The following ADGRL2 variants were observed in gnomAD, a reference collection of about 807,000 sequenced individuals.
ADGRL2 encodes calcium-independent alpha-latrotoxin receptor 2.
ADGRL2 carries 44 observed loss-of-function variants against 157.4 expected under a neutral mutation model. The observed-to-expected ratio is 0.28, with a 90% CI of 0.22 to 0.36. ADGRL2 has a LOEUF of 0.36. Ranked by LOEUF, ADGRL2 falls within the 10% of genes least tolerant of loss-of-function variation. The probability of loss-of-function intolerance (pLI) is 1.00; values close to 1 mark genes in which losing one functional copy is unlikely to be tolerated. For missense variants in ADGRL2, 1,510 were observed against 1,768.9 expected, an observed-to-expected ratio of 0.85 and a Z score of 2.63; for synonymous variants, 585 against 624.7, an observed-to-expected ratio of 0.94 and a Z score of 0.95.
Position 81,992,088 on chromosome 1 carries a change from T to C in ADGRL2, c.*943T>C, listed in dbSNP as rs1367562640. 6.6e-6 allele frequency: 1 copy of C among 152,582 alleles called. No individual in the cohort carries two copies. Among genetic ancestry groups the C allele is most frequent in the East Asian group, 1.9e-4 (1 of 5,190 alleles). The allele number at this position is 152,582 out of a possible 1,614,324, so 9.5% of individuals were successfully genotyped here. On this transcript the variant is annotated 3_prime_UTR_variant, in exon 24 of 24. Transcript: ENST00000686636. ...CATGCCTTGCACAAAAGTGATGAAA[T>C]CTAGAAAAGATTGTGTGTCACCCCT...
chr1:81,777,986 C>T (rs1489636811), intron 2 of ADGRL2, among the ~76,000 whole-genome samples: 1 of 151,980 alleles, frequency 6.6e-6, no homozygotes, highest in Non-Finnish European at 1.5e-5. Context: ...TTAACATTGC[C>T]ATTGGGTACA....
intron 2 of ADGRL2, among the ~76,000 whole-genome samples, chr1:81,765,445 A>C (rs2149324007): frequency 6.6e-6 from 1 of 152,170 alleles, no homozygotes; most frequent in Non-Finnish European, 1.5e-5. Context: ...CTGATTTGTA[A>C]GTGTGCTAAT....
chr1:81,695,043 G>C (rs1055628372), upstream of ADGRL2, among the ~76,000 whole-genome samples: 1 of 151,978 alleles, frequency 6.6e-6, no homozygotes, highest in Non-Finnish European at 1.5e-5. Context: ...TTCTGGAAAA[G>C]TCTCAAAAAT....
At chr1:81,422,307 C>A (rs1055988994) in intron 1 of ADGRL2, among the ~76,000 whole-genome samples, 1 of 152,168 alleles carries the variant, frequency 6.6e-6, no homozygotes, top group African/African-American at 2.4e-5. Flanking sequence ...TGCAATGGTA[C>A]GATCTCAGCT....
intron 1 of ADGRL2, among the ~76,000 whole-genome samples, chr1:81,725,931 C>T (rs565633390): frequency 2.6e-5 from 4 of 151,664 alleles, no homozygotes; most frequent in Non-Finnish European, 2.9e-5. Context: ...TGCAGTGAGC[C>T]GAGATGGCTC....
intron 1 of ADGRL2, among the ~76,000 whole-genome samples, chr1:81,417,195 T>C (rs1488293285): frequency 2.6e-5 from 4 of 152,158 alleles, no homozygotes; most frequent in South Asian, 4.1e-4. Flanking sequence ...CAATTCTTTA[T>C]CCCTTTAAAT....
At chr1:81,315,833 G>A (rs1174530499) in intron 1 of ADGRL2, among the ~76,000 whole-genome samples, 2 of 151,990 alleles carry the variant, frequency 1.3e-5, no homozygotes, top group Non-Finnish European at 2.9e-5. Context: ...TGAATAAATG[G>A]AAAGCAATTG....
intron 2 of ADGRL2, among the ~76,000 whole-genome samples, chr1:81,888,748 G>A (rs76322376): frequency 0.014 from 2,201 of 152,082 alleles, 52 homozygotes; most frequent in African/African-American, 0.049. Flanking sequence ...CACTGCGCCC[G>A]GCCTGCTTTT....
intron 3 of ADGRL2, among the ~76,000 whole-genome samples, chr1:81,590,235 G>C (rs986152827): frequency 2.6e-5 from 4 of 152,160 alleles, no homozygotes; most frequent in African/African-American, 9.7e-5. Flanking sequence ...GACAAGGCAA[G>C]AAATTATGAC....
rs563803245 is a variant in ADGRL2, at chr1:81,527,711, C to CA, written c.-247-53154dup. Among the ~76,000 whole-genome samples the CA allele has an allele frequency of 6.2e-3, 876 of 141,072 alleles. 3 individuals carry two copies. Among genetic ancestry groups the CA allele is most frequent in the Middle Eastern group, 0.026 (7 of 274 alleles). The allele number at this position is 141,072 out of a possible 152,430, so 92.5% of individuals were successfully genotyped here. On this transcript the variant is annotated intron_variant, in intron 2 of 24. Coordinates refer to the ADGRL2 transcript ENST00000370721. ...TAGGGGATAGAGCAAAACTCTGCCTCAAAAAAAAAAAGTGATCGGAGGGAG... is the reference window on the plus strand; with the variant it reads ...TAGGGGATAGAGCAAAACTCTGCCTCAAAAAAAAAAAAGTGATCGGAGGGAG...
chr1:81,905,455 A>T (rs2094566679), intron 2 of ADGRL2, among the ~76,000 whole-genome samples: 1 of 152,178 alleles, frequency 6.6e-6, no homozygotes, highest in African/African-American at 2.4e-5. Flanking sequence ...TCCCTGAATT[A>T]TCAAAACGGT....
chr1:81,448,783 GGCTAA>G (rs2077651020), intron 2 of ADGRL2, among the ~76,000 whole-genome samples: 2 of 151,922 alleles, frequency 1.3e-5, no homozygotes, highest in East Asian at 3.9e-4. Flanking sequence ...CACAAAAAAA[GGCTAA>G]GCTAAGTTTA....
chr1:81,834,578 A>G (rs956834006), intron 1 of ADGRL2, among the ~76,000 whole-genome samples: 8 of 152,204 alleles, frequency 5.3e-5, no homozygotes, highest in Non-Finnish European at 1.2e-4. Flanking sequence ...CTTGGGTCAC[A>G]GCAGTAAAAT....
At chr1:81,593,906 T>A (rs1001014300) in intron 3 of ADGRL2, among the ~76,000 whole-genome samples, 2 of 152,148 alleles carry the variant, frequency 1.3e-5, no homozygotes, top group Admixed American at 1.3e-4. Flanking sequence ...TTTTGCGAAG[T>A]TTGTTGGCAT....
chr1:81,903,901 C>T (rs2094538215), intron 2 of ADGRL2, among the ~76,000 whole-genome samples: 1 of 150,350 alleles, frequency 6.7e-6, no homozygotes, highest in African/African-American at 2.4e-5. Context: ...ATATGTAACC[C>T]ATCTGTCTTA....
At chr1:81,580,520 G>C (rs1349193813) in intron 2 of ADGRL2, among the ~76,000 whole-genome samples, 1 of 151,864 alleles carries the variant, frequency 6.6e-6, no homozygotes, top group African/African-American at 2.4e-5. Flanking sequence ...GAAGCCAAGG[G>C]GGATGTGGGT....
At chr1:81,843,834 C>T (rs2092689838) in intron 2 of ADGRL2, among the ~76,000 whole-genome samples, 1 of 152,096 alleles carries the variant, frequency 6.6e-6, no homozygotes, top group African/African-American at 2.4e-5. Context: ...AGATAAAGTT[C>T]AAGTGCTTGA....
chr1:81,895,393 CTTTT>C (rs34557038), intron 2 of ADGRL2, among the ~76,000 whole-genome samples: 3 of 97,586 alleles, frequency 3.1e-5, no homozygotes, highest in East Asian at 3.5e-4. Flanking sequence ...TTAAATGTAT[CTTTT>C]TTTTTTTTTT....
chr1:81,906,426 G>C (rs957376454), intron 2 of ADGRL2, among the ~76,000 whole-genome samples: 1 of 152,106 alleles, frequency 6.6e-6, no homozygotes, highest in African/African-American at 2.4e-5. Flanking sequence ...TAGCTCCTTT[G>C]AATGTCCATC....
Sources: gnomAD v4.1 joint callset for allele counts (sites outside exome capture counted in the v4.1 genomes callset) on GRCh38, gnomAD v4.1.1 for gene constraint, MANE v1.5 for transcripts, NCBI Gene and HGNC (gene_info 2026-07-23, HGNC 2026-07-21) for gene names.